MTUS1: variants seen among roughly 807,000 people sequenced by gnomAD.
MTUS1 encodes the protein microtubule-associated tumor suppressor 1.
In MTUS1, 109 loss-of-function variants were observed where a neutral mutation model predicts 120.8. The ratio of observed to expected loss-of-function variants is 0.90; its 90% CI spans 0.77 to 1.06. MTUS1 has a LOEUF of 1.06. Ranked by LOEUF, MTUS1 falls within the 50% of genes least tolerant of loss-of-function variation. The probability of loss-of-function intolerance (pLI) is 0.00; values close to 1 mark genes in which losing one functional copy is unlikely to be tolerated. For missense variants in MTUS1, 2,210 were observed against 1,486.3 expected, an observed-to-expected ratio of 1.49 and a Z score of -8.01; for synonymous variants, 737 against 550.5, an observed-to-expected ratio of 1.34 and a Z score of -4.74.
chr8:17,763,345 T>C (rs896985312), intron 1 of MTUS1, among the ~76,000 whole-genome samples: 4 of 152,172 alleles, frequency 2.6e-5, no homozygotes, highest in Non-Finnish European at 5.9e-5. Context: ...TCTTAATTTA[T>C]GCTTTTGAAT....
chr8:17,776,884 C>T (rs188606129), intron 1 of MTUS1, among the ~76,000 whole-genome samples: 1 of 152,152 alleles, frequency 6.6e-6, no homozygotes, highest in East Asian at 1.9e-4. Flanking sequence ...ACTCCCTGGG[C>T]TCTCTCCTCT....
intron 3 of MTUS1, among the ~76,000 whole-genome samples, chr8:17,728,342 T>A (rs1003971255): frequency 6.6e-6 from 1 of 152,228 alleles, no homozygotes; most frequent in Non-Finnish European, 1.5e-5. Flanking sequence ...TGACCTTAAG[T>A]GAGCCACTTG....
intron 2 of MTUS1, among the ~76,000 whole-genome samples, chr8:17,753,138 A>G (rs2048322801): frequency 6.6e-6 from 1 of 152,200 alleles, no homozygotes; most frequent in African/African-American, 2.4e-5. Context: ...AAGAGGCTTC[A>G]CACATCCACT....
intron 5 of MTUS1, among the ~76,000 whole-genome samples, chr8:17,714,731 G>C (rs924085989): frequency 6.6e-6 from 1 of 152,086 alleles, no homozygotes; most frequent in African/African-American, 2.4e-5. Context: ...ACAAGGAAAT[G>C]TGACAGCAAT....
chr8:17,766,517 A>T (rs2049504590), intron 1 of MTUS1, among the ~76,000 whole-genome samples: 1 of 152,222 alleles, frequency 6.6e-6, no homozygotes, highest in African/African-American at 2.4e-5. Context: ...ACATTTGCAG[A>T]TCTTATCTGA....
Position 17,778,331 on chromosome 8 carries a change from G to C in MTUS1, c.-154-22370C>G, listed in dbSNP as rs62498379. Among the ~76,000 whole-genome samples the C allele has an allele frequency of 1.4e-4, 22 of 152,230 alleles. No homozygotes were observed. The South Asian group carries it at 4.6e-3, about 32-fold the overall frequency. On this transcript the variant is annotated intron_variant, in intron 1 of 14. Coordinates refer to ENST00000693296, the MANE Select transcript of MTUS1 (RefSeq NM_001363059.2). Reference sequence around the variant, plus strand: ...ATATTCTGGAAAGGCAAATCTAAGGGAACAGGATTGGTGTTTGTCTAAGAA... The same window carrying C: ...ATATTCTGGAAAGGCAAATCTAAGGCAACAGGATTGGTGTTTGTCTAAGAA...
intron 1 of MTUS1, among the ~76,000 whole-genome samples, chr8:17,788,211 A>ATAT (rs1487281420): frequency 6.6e-6 from 1 of 152,224 alleles, no homozygotes; most frequent in East Asian, 1.9e-4. Flanking sequence ...CAAAACTCAT[A>ATAT]TAATTGCACA....
At chr8:17,749,367 A>G (rs959507973) in intron 2 of MTUS1, among the ~76,000 whole-genome samples, 1 of 152,080 alleles carries the variant, frequency 6.6e-6, no homozygotes, top group Non-Finnish European at 1.5e-5. Context: ...TGCCAATTAG[A>G]AAATCTTTAG....
chr8:17,653,804 C>G (rs1277079968), intron 10 of MTUS1: 1 of 257,810 alleles, frequency 3.9e-6, no homozygotes, highest in Admixed American at 5.4e-5. Flanking sequence ...TCATAAATGC[C>G]ACTCCAGACT....
chr8:17,754,476 C>T lies in MTUS1; in HGVS notation c.1332G>A (p.Pro444=), dbSNP rs758540183. 2.0e-5 allele frequency: 33 copies of T among 1,614,180 alleles called. No homozygotes were observed. The South Asian group carries it at 2.7e-4, about 13-fold the overall frequency. ...EPTKVTFSVS[P]IEATEKCKKV... ...TCTTACATTTCTCCGTCGCTTCAAT[C>T]GGTGAAACAGAAAAGGTTACTTTTG... The change falls in exon 2 of 15, where the codon CCG becomes CCA. Residue 444 remains proline, a synonymous_variant. Coordinates refer to ENST00000693296, the MANE Select transcript of MTUS1 (RefSeq NM_001363059.2).
chr8:17,702,128 G>A (rs2904721), intron 6 of MTUS1, among the ~76,000 whole-genome samples: 123,291 of 152,074 alleles, frequency 0.81, 50,014 homozygotes, highest in Middle Eastern at 0.9. Flanking sequence ...ACTTTCCTAG[G>A]ACCAATTCTG....
At chr8:17,724,081 C>G (rs2046035511) in intron 3 of MTUS1, 1 of 569,058 alleles carries the variant, frequency 1.8e-6, no homozygotes, top group East Asian at 3.4e-5. Flanking sequence ...GTAACCCTGT[C>G]TCCTAAAGTA....
intron 6 of MTUS1, among the ~76,000 whole-genome samples, chr8:17,688,113 TGAGG>T (rs1480944225): frequency 6.6e-6 from 1 of 152,230 alleles, no homozygotes; most frequent in African/African-American, 2.4e-5. Flanking sequence ...CCAGACCTAC[TGAGG>T]GAGTTTGCCT....
intron 2 of MTUS1, among the ~76,000 whole-genome samples, chr8:17,752,150 C>A (rs187536464): frequency 3.0e-4 from 45 of 152,112 alleles, no homozygotes; most frequent in African/African-American, 1.1e-3. Flanking sequence ...AGACTCAATG[C>A]ACAAATCAGG....
chr8:17,766,972 G>T (rs1296545537), intron 1 of MTUS1, among the ~76,000 whole-genome samples: 1 of 151,924 alleles, frequency 6.6e-6, no homozygotes, highest in Non-Finnish European at 1.5e-5. Flanking sequence ...ACAATCATAT[G>T]ATCAGTATAT....
intron 7 of MTUS1, among the ~76,000 whole-genome samples, chr8:17,680,106 A>G (rs1018900526): frequency 6.6e-6 from 1 of 152,180 alleles, no homozygotes; most frequent in African/African-American, 2.4e-5. Flanking sequence ...AAAGAGAAGC[A>G]TATATGCTCC....
intron 8 of MTUS1, among the ~76,000 whole-genome samples, chr8:17,656,609 C>A (rs2130282471): frequency 6.9e-6 from 1 of 145,242 alleles, no homozygotes; most frequent in Admixed American, 7.3e-5. Flanking sequence ...TTCAGAAGAC[C>A]CAGGTTTCTA....
At chr8:17,704,831 C>T (rs73200187) in intron 6 of MTUS1, among the ~76,000 whole-genome samples, 5,075 of 152,184 alleles carry the variant, frequency 0.033, 117 homozygotes, top group Non-Finnish European at 0.052. Context: ...AGGGATTGCA[C>T]TGAATCTGTA....
At chr8:17,761,228 GA>G (rs199948392) in intron 1 of MTUS1, among the ~76,000 whole-genome samples, 2 of 151,642 alleles carry the variant, frequency 1.3e-5, no homozygotes, top group Non-Finnish European at 2.9e-5. Context: ...AATGCCTTTG[GA>G]AAAAAAACTT....
Sources: allele counts gnomAD v4.1 joint callset (sites outside exome capture counted in the v4.1 genomes callset), GRCh38; gene constraint gnomAD v4.1.1; transcripts MANE v1.5; gene names NCBI Gene and HGNC (gene_info 2026-07-23, HGNC 2026-07-21).